CRAMP1: variants seen among roughly 807,000 people sequenced by gnomAD.
The protein encoded by CRAMP1 is cramped chromatin regulator 1, also known as protein cramped-like.
CRAMP1 carries 50 observed loss-of-function variants against 115.4 expected under a neutral mutation model. That is an observed-to-expected ratio of 0.43 (90% CI 0.35 to 0.55). The LOEUF (loss-of-function observed/expected upper bound fraction) is 0.55, where lower values mean the gene tolerates loss of function less well. Ranked by LOEUF, CRAMP1 falls within the 20% of genes least tolerant of loss-of-function variation. CRAMP1 has a pLI of 0.01. For synonymous variants in CRAMP1, 866 were observed against 745.4 expected (o/e 1.16, Z -2.64); for missense variants, 1,679 against 1,721.7 (o/e 0.98, Z 0.44).
At chr16:1,655,406 G>C in intron 9 of CRAMP1, 106 bp downstream of exon 9, 1 of 893,012 alleles carries the variant, frequency 1.1e-6, no homozygotes, top group Non-Finnish European at 1.9e-6. Context: ...CCCGTGGGCA[G>C]AACAGCCATG....
intron 3 of CRAMP1, among the ~76,000 whole-genome samples, chr16:1,628,652 G>A (rs1310506695): frequency 6.6e-6 from 1 of 152,244 alleles, no homozygotes; most frequent in Non-Finnish European, 1.5e-5. Flanking sequence ...AGGTGTGACT[G>A]TGAACCCTCA....
chr16:1,644,899 G>A (rs1283523313), intron 6 of CRAMP1, among the ~76,000 whole-genome samples: 3 of 150,744 alleles, frequency 2.0e-5, no homozygotes, highest in Non-Finnish European at 4.4e-5. Context: ...GCGGGGTTTC[G>A]CCATGTTGCC....
chr16:1,667,821 T>G, intron 17 of CRAMP1, 141 bp from the exon 18 acceptor site: 1 of 621,346 alleles, frequency 1.6e-6, no homozygotes, highest in Non-Finnish European at 2.9e-6. Context: ...AGTGTGTTCC[T>G]GAGTTGGAAG....
rs1371027509 is a variant in CRAMP1 at position 1,612,506 on chromosome 16, C to T, written c.-153C>T. On this transcript the variant is annotated 5_prime_UTR_variant, in exon 1 of 21. Coordinates refer to ENST00000397412, the MANE Select transcript of CRAMP1 (RefSeq NM_020825.4). ...GGGACGTGCCGGGGCTAGCGCCGCT[C>T]GACCAGTCGCTTCCGAGGCGGACGA... 6.6e-6 allele frequency: 1 copy of T among 151,712 alleles called. No homozygotes were observed. Among genetic ancestry groups the T allele is most frequent in the African/African-American group, 2.4e-5 (1 of 41,388 alleles). The allele number at this position is 151,712 out of a possible 1,614,324, so 9.4% of individuals were successfully genotyped here.
intron 6 of CRAMP1, among the ~76,000 whole-genome samples, chr16:1,645,159 C>T (rs1450168963): frequency 3.3e-5 from 5 of 151,894 alleles, no homozygotes; most frequent in African/African-American, 7.3e-5. Flanking sequence ...CACACGATTT[C>T]CCCCATTATT....
intron 6 of CRAMP1, among the ~76,000 whole-genome samples, chr16:1,643,580 C>T (rs1278979096): frequency 6.6e-6 from 1 of 151,902 alleles, no homozygotes; most frequent in Non-Finnish European, 1.5e-5. Context: ...GTGGTTCTGC[C>T]GAGGGAAGGG....
rs1254860712 is a variant in CRAMP1, at chr16:1,653,281, C to T, written c.1037+125C>T. ...TCCACCCCTATGCTCTGTCATCACA[C>T]GAGGACGCAGCAGTGTGGAGGCGAC... is the stretch of plus-strand genomic sequence containing the variant. On this transcript the variant is annotated intron_variant, in intron 8 of 20. Coordinates refer to ENST00000397412, the MANE Select transcript of CRAMP1 (RefSeq NM_020825.4). 17 of 1,164,750 alleles carry T rather than the reference C, an allele frequency of 1.5e-5. No individual in the cohort carries two copies. The East Asian group carries it at 1.8e-4, about 12-fold the overall frequency. The allele number at this position is 1,164,750 out of a possible 1,614,324, so 72.2% of individuals were successfully genotyped here.
intron 3 of CRAMP1, among the ~76,000 whole-genome samples, chr16:1,629,518 C>T (rs2036532203): frequency 6.6e-6 from 1 of 152,220 alleles, no homozygotes; most frequent in Non-Finnish European, 1.5e-5. Context: ...CTTGGAGACA[C>T]ACGGCAGGCG....
At chr16:1,643,505 T>C (rs1480248493) in intron 6 of CRAMP1, among the ~76,000 whole-genome samples, 1 of 150,662 alleles carries the variant, frequency 6.6e-6, no homozygotes, top group Non-Finnish European at 1.5e-5. Flanking sequence ...CCCTCCACTG[T>C]GCTCCAGCCT....
At chr16:1,670,511 T>C (rs1357551921) in intron 19 of CRAMP1, 153 bp from the exon 20 acceptor site, 38 of 743,558 alleles carry the variant, frequency 5.1e-5, no homozygotes, top group Middle Eastern at 6.0e-4. Context: ...CACGGCGTGT[T>C]GAGTCCCTCG....
chr16:1,670,402 G>A, intron 19 of CRAMP1: 1 of 428,364 alleles, frequency 2.3e-6, no homozygotes, highest in South Asian at 3.3e-5. Flanking sequence ...GACCGTGATG[G>A]GGGTGGGGGA....
At chr16:1,655,427 G>A in intron 9 of CRAMP1, 127 bp downstream of exon 9, 2 of 774,222 alleles carry the variant, frequency 2.6e-6, no homozygotes, top group Admixed American at 2.0e-5. Flanking sequence ...CTGTGACATG[G>A]TGTACATCTG....
intron 8 of CRAMP1, among the ~76,000 whole-genome samples, chr16:1,654,999 T>C (rs181897807): frequency 3.9e-5 from 6 of 152,368 alleles, no homozygotes; most frequent in African/African-American, 1.4e-4. Context: ...ATCTCTGTGT[T>C]GTTTTCTTTA....
intron 13 of CRAMP1, 110 bp downstream of exon 13, chr16:1,662,945 C>A: frequency 2.6e-6 from 2 of 761,692 alleles, no homozygotes; most frequent in Non-Finnish European, 4.3e-6. Flanking sequence ...GAAATTCCTG[C>A]CCCTTCCTTC....
chr16:1,614,852 G>A lies in CRAMP1; in HGVS notation c.213G>A (p.Pro71=). 3 of 1,293,676 alleles carry A rather than the reference G, an allele frequency of 2.3e-6. No homozygotes were observed. The highest frequency in any genetic ancestry group is 3.1e-5 in the East Asian group (1 of 32,242). 80.1% of individuals were successfully genotyped at this position (1,293,676 alleles called of 1,614,324 possible). The change falls in exon 2 of 21, where the codon CCG becomes CCA. Residue 71 remains proline, a synonymous_variant. Coordinates refer to ENST00000397412, the MANE Select transcript of CRAMP1 (RefSeq NM_020825.4). This position sits in a 1 kb window ranked among gnomAD's most constrained non-coding sequence, Gnocchi z 4.4. The part of the protein sequence containing the change: ...APPGAPQAPS[P]PQGSPQDQHH... Reference sequence around the variant, plus strand: ...CCGGCGCGCCGCAGGCGCCGTCCCCGCCGCAGGGCAGCCCCCAGGACCAGC... The same window carrying A: ...CCGGCGCGCCGCAGGCGCCGTCCCCACCGCAGGGCAGCCCCCAGGACCAGC...
At chr16:1,649,341 T>C (rs758628636) in intron 6 of CRAMP1, among the ~76,000 whole-genome samples, 3 of 151,950 alleles carry the variant, frequency 2.0e-5, no homozygotes, top group Non-Finnish European at 4.4e-5. Flanking sequence ...CATGAGTGGG[T>C]GGGTAGAGGC....
Position 1,670,678 on chromosome 16 carries a change from C to T in CRAMP1, c.3514C>T (p.Pro1172Ser). 1 of 1,613,990 alleles carries T rather than the reference C, an allele frequency of 6.2e-7. No individual in the cohort carries two copies. The highest frequency in any genetic ancestry group is 8.5e-7 in the Non-Finnish European group (1 of 1,179,884). ...LSSLFASFIS[P>S]EKSRKMLPTP... ...TTTCTCCGCAGCAAGCTTCATCTCC[C>T]CAGAGAAGAGCCGGAAGATGTTGCC... Residue 1172 changes from proline to serine, a missense_variant, in exon 20 of 21, where the codon CCA becomes TCA. Around this residue, in one of 8 missense-constraint regions of CRAMP1, gnomAD observed 709 missense variants for 741.9 expected, o/e 0.96. Coordinates refer to ENST00000397412, the MANE Select transcript of CRAMP1 (RefSeq NM_020825.4).
intron 6 of CRAMP1, among the ~76,000 whole-genome samples, chr16:1,650,611 A>C (rs2036714484): frequency 6.6e-6 from 1 of 152,230 alleles, no homozygotes; most frequent in African/African-American, 2.4e-5. Context: ...AATTTACATA[A>C]GTAAGTGTAC....
chr16:1,675,360 C>G lies in CRAMP1; in HGVS notation c.*1315C>G, dbSNP rs1171039917. On this transcript the variant is annotated 3_prime_UTR_variant, in exon 21 of 21. Transcript: ENST00000397412. ...GGTGTTGGGCAGGCCATGCCTGTGCCGCCATCTCTCCCTTCCTGCCTCATT... is the reference window on the plus strand; with the variant it reads ...GGTGTTGGGCAGGCCATGCCTGTGCGGCCATCTCTCCCTTCCTGCCTCATT... The G allele has an allele frequency of 6.6e-6, 1 of 152,490 alleles. No individual in the cohort carries two copies. Among genetic ancestry groups the G allele is most frequent in the African/African-American group, 2.4e-5 (1 of 41,460 alleles). The allele number at this position is 152,490 out of a possible 1,614,324, so 9.4% of individuals were successfully genotyped here.
Sources: gnomAD v4.1 joint callset for allele counts (sites outside exome capture counted in the v4.1 genomes callset) on GRCh38, gnomAD v4.1.1 for gene constraint, gnomAD v4.1.1 regional missense constraint, Gnocchi (gnomAD v3.1) non-coding constraint, MANE v1.5 for transcripts, NCBI Gene and HGNC (gene_info 2026-07-23, HGNC 2026-07-21) for gene names.